Variants in FMN1 observed in about 807,000 individuals in gnomAD.
The protein encoded by FMN1 is formin 1, also known as formin-1.
In FMN1, 110 loss-of-function variants were observed where a neutral mutation model predicts 132.4. The ratio of observed to expected loss-of-function variants is 0.83; its 90% CI spans 0.71 to 0.97. FMN1 has a LOEUF of 0.97. Ranked by LOEUF, FMN1 falls within the 50% of genes least tolerant of loss-of-function variation. FMN1 has a pLI of 0.00. For missense variants in FMN1, 1,792 were observed against 1,705.3 expected (o/e 1.05, Z -0.90); for synonymous variants, 722 against 651.7 (o/e 1.11, Z -1.64).
At chr15:32,835,984 T>C (rs1308884322) in intron 17 of FMN1, among the ~76,000 whole-genome samples, 1 of 152,050 alleles carries the variant, frequency 6.6e-6, no homozygotes, top group Admixed American at 6.6e-5. Flanking sequence ...CCTCAGCCTC[T>C]CTGTACCTGG....
chr15:32,907,248 T>C (rs2060449413), intron 12 of FMN1, among the ~76,000 whole-genome samples: 2 of 152,036 alleles, frequency 1.3e-5, no homozygotes. Context: ...CACCATAATC[T>C]AGGATTAGTG....
chr15:33,027,217 C>G (rs1182683540), intron 6 of FMN1, among the ~76,000 whole-genome samples: 2 of 152,092 alleles, frequency 1.3e-5, no homozygotes, highest in Non-Finnish European at 1.5e-5. Flanking sequence ...AAGCCTAGCC[C>G]ATACCTCCAC....
intron 16 of FMN1, among the ~76,000 whole-genome samples, chr15:32,887,388 A>G (rs2059921366): frequency 6.6e-6 from 1 of 152,208 alleles, no homozygotes; most frequent in African/African-American, 2.4e-5. Context: ...ATTCTTGGAC[A>G]AGGAGATGTC....
chr15:32,865,355 C>T (rs1232390932), intron 16 of FMN1, among the ~76,000 whole-genome samples: 1 of 152,042 alleles, frequency 6.6e-6, no homozygotes, highest in East Asian at 1.9e-4. Flanking sequence ...ATGAAGAATG[C>T]CTCATCTGTA....
intron 6 of FMN1, among the ~76,000 whole-genome samples, chr15:33,040,809 G>A (rs1298013061): frequency 3.3e-5 from 5 of 152,148 alleles, no homozygotes; most frequent in East Asian, 1.9e-4. Flanking sequence ...TACAATGAAG[G>A]AGTCTTCACA....
intron 17 of FMN1, among the ~76,000 whole-genome samples, chr15:32,822,641 T>C (rs2058249172): frequency 6.6e-6 from 1 of 152,218 alleles, no homozygotes; most frequent in Admixed American, 6.5e-5. Context: ...CATTTATTTT[T>C]CATTGCCTCT....
intron 5 of FMN1, among the ~76,000 whole-genome samples, chr15:33,087,850 T>C (rs148050005): frequency 2.0e-5 from 3 of 152,024 alleles, no homozygotes; most frequent in Non-Finnish European, 4.4e-5. Flanking sequence ...TACACACACA[T>C]ATATACATAT....
chr15:33,049,903 AGGGG>A (rs1275758648), intron 6 of FMN1, among the ~76,000 whole-genome samples: 1 of 152,216 alleles, frequency 6.6e-6, no homozygotes, highest in Non-Finnish European at 1.5e-5. Flanking sequence ...CCATGATTCT[AGGGG>A]CTGCTCAATT....
At chr15:33,147,262 A>G (rs1341967623) in intron 4 of FMN1, among the ~76,000 whole-genome samples, 2 of 152,118 alleles carry the variant, frequency 1.3e-5, no homozygotes, top group Admixed American at 6.6e-5. Flanking sequence ...TCCAATTACA[A>G]CCCGAAAAGG....
chr15:32,870,051 G>A (rs1268558144), intron 16 of FMN1, among the ~76,000 whole-genome samples: 1 of 152,116 alleles, frequency 6.6e-6, no homozygotes, highest in East Asian at 1.9e-4. Context: ...TAGTTTTCCT[G>A]GTCAAGTGCT....
chr15:33,041,880 C>T (rs1457043123), intron 6 of FMN1, among the ~76,000 whole-genome samples: 1 of 151,510 alleles, frequency 6.6e-6, no homozygotes, highest in African/African-American at 2.4e-5. Context: ...CTGAACTATG[C>T]AATTAAAAAT....
chr15:32,849,483 G>A lies in FMN1; in HGVS notation c.3928+7532C>T, dbSNP rs183313906. Among the ~76,000 whole-genome samples, 916 of 151,942 alleles carry A rather than the reference G, an allele frequency of 6.0e-3. 4 individuals are homozygous for A. The highest frequency in any genetic ancestry group is 9.7e-3 in the Non-Finnish European group (662 of 68,008). On this transcript the variant is annotated intron_variant, in intron 17 of 20. Coordinates refer to ENST00000616417, the MANE Select transcript of FMN1 (RefSeq NM_001277313.2). ...TACAGACTTTTTTTTTAAAAAAGAT[G>A]CTTAGTATTCCAATGTATGGAAATA...
At chr15:32,825,223 A>T (rs2058334196) in intron 17 of FMN1, among the ~76,000 whole-genome samples, 1 of 152,240 alleles carries the variant, frequency 6.6e-6, no homozygotes, top group Non-Finnish European at 1.5e-5. Context: ...CACAGCAACC[A>T]GAATAATCTT....
chr15:32,909,942 A>T (rs905365368), intron 11 of FMN1, among the ~76,000 whole-genome samples: 1 of 152,188 alleles, frequency 6.6e-6, no homozygotes, highest in African/African-American at 2.4e-5. Context: ...AACGGGATTA[A>T]GAAGTTTAAG....
intron 3 of FMN1, among the ~76,000 whole-genome samples, chr15:33,171,473 C>T (rs1300181372): frequency 6.6e-6 from 1 of 152,066 alleles, no homozygotes; most frequent in Non-Finnish European, 1.5e-5. Context: ...ACCATGTATC[C>T]TATAAATAAG....
intron 5 of FMN1, among the ~76,000 whole-genome samples, chr15:33,081,667 G>C (rs1160451403): frequency 6.6e-6 from 1 of 152,198 alleles, no homozygotes; most frequent in African/African-American, 2.4e-5. Flanking sequence ...AAGTAGTGGA[G>C]CGGTAGAAGG....
chr15:32,920,823 A>G (rs921065405), intron 10 of FMN1, among the ~76,000 whole-genome samples: 9 of 152,224 alleles, frequency 5.9e-5, no homozygotes, highest in Admixed American at 2.0e-4. Context: ...TTCTCTCTCC[A>G]AATATCCCTC....
chr15:32,844,758 T>G (rs879816816), intron 17 of FMN1, among the ~76,000 whole-genome samples: 7 of 152,220 alleles, frequency 4.6e-5, no homozygotes, highest in Non-Finnish European at 1.0e-4. Flanking sequence ...CCACTGCTAT[T>G]CGCACCATTG....
At chr15:33,043,503 C>G (rs1275807724) in intron 6 of FMN1, among the ~76,000 whole-genome samples, 1 of 152,360 alleles carries the variant, frequency 6.6e-6, no homozygotes, top group African/African-American at 2.4e-5. Flanking sequence ...AAGAATCTCT[C>G]TAAATCTGCT....
Sources: gnomAD v4.1 joint callset for allele counts (sites outside exome capture counted in the v4.1 genomes callset) on GRCh38, gnomAD v4.1.1 for gene constraint, MANE v1.5 for transcripts, NCBI Gene and HGNC (gene_info 2026-07-23, HGNC 2026-07-21) for gene names.